The following ZFAND2A variants were observed in gnomAD, a reference collection of about 807,000 sequenced individuals.
ZFAND2A encodes the protein zinc finger AN1-type containing 2A.
A neutral mutation model predicts 11.6 loss-of-function variants in ZFAND2A; 20 were observed. The ratio of observed to expected loss-of-function variants is 1.72; its 90% CI spans 1.21 to 2.50. ZFAND2A has a LOEUF of 2.50. Ranked by LOEUF, ZFAND2A falls within the 30% of genes most tolerant of loss-of-function variation. The pLI is 0.00. For missense variants in ZFAND2A, 234 were observed against 182.9 expected, an observed-to-expected ratio of 1.28 and a Z score of -1.61; for synonymous variants, 93 against 60.6, an observed-to-expected ratio of 1.54 and a Z score of -2.48.
intron 3 of ZFAND2A, among the ~76,000 whole-genome samples, chr7:1,156,038 T>C (rs1161294109): frequency 1.3e-5 from 2 of 152,230 alleles, no homozygotes; most frequent in Non-Finnish European, 2.9e-5. Flanking sequence ...CACGTGTACC[T>C]AGGGTGAGCT....
At chr7:1,153,818 T>C (rs930395733) in intron 4 of ZFAND2A, among the ~76,000 whole-genome samples, 2 of 152,078 alleles carry the variant, frequency 1.3e-5, no homozygotes, top group African/African-American at 2.4e-5. Context: ...GGTGGCGTGG[T>C]GCCTGTAATC....
At chr7:1,152,469 G>C (rs6970587), downstream of ZFAND2A, 62,252 of 1,215,090 alleles carry the variant, frequency 0.051, 2,887 homozygotes, top group African/African-American at 0.24. Context: ...ACCACCAGGT[G>C]CAACAGTTGA....
intron 3 of ZFAND2A, 87 bp from the exon 4 acceptor site, chr7:1,155,671 C>T (rs1428883175): frequency 1.3e-6 from 2 of 1,520,658 alleles, no homozygotes; most frequent in East Asian, 4.7e-5. Flanking sequence ...GTGCGGCACA[C>T]TTAAACACAA....
chr7:1,151,063 G>A (rs115849730), downstream of ZFAND2A, among the ~76,000 whole-genome samples: 3,985 of 151,988 alleles, frequency 0.026, 71 homozygotes, highest in African/African-American at 0.05. Flanking sequence ...GCTAATTTTT[G>A]TTTTAGTAGA....
chr7:1,150,495 G>A (rs1212721838), downstream of ZFAND2A, among the ~76,000 whole-genome samples: 2 of 152,188 alleles, frequency 1.3e-5, no homozygotes, highest in African/African-American at 4.8e-5. Context: ...CTCTTGATGA[G>A]CAGAGCGGCT....
downstream of ZFAND2A, chr7:1,152,268 G>A (rs866704821): frequency 1.9e-6 from 3 of 1,579,652 alleles, no homozygotes; most frequent in East Asian, 2.3e-5. Context: ...TACCCGAGTC[G>A]CTGGGCCAGC....
intron 4 of ZFAND2A, among the ~76,000 whole-genome samples, chr7:1,153,876 G>A (rs1793457555): frequency 6.6e-6 from 1 of 152,200 alleles, no homozygotes; most frequent in Non-Finnish European, 1.5e-5. Context: ...AGGAGGCAGA[G>A]GCGGCAGTGA....
At chr7:1,150,487 C>T (rs556525160), downstream of ZFAND2A, among the ~76,000 whole-genome samples, 102 of 152,338 alleles carry the variant, frequency 6.7e-4, no homozygotes, top group Admixed American at 2.0e-3. Flanking sequence ...TCACTGCACT[C>T]TTGATGAGCA....
downstream of ZFAND2A, among the ~76,000 whole-genome samples, chr7:1,149,942 T>A (rs1793367909): frequency 6.6e-6 from 1 of 150,396 alleles, no homozygotes; most frequent in African/African-American, 2.5e-5. Flanking sequence ...AACCTCTGCC[T>A]CCCGGGTTCA....
downstream of ZFAND2A, chr7:1,152,358 G>A (rs1315029306): frequency 2.6e-6 from 4 of 1,547,906 alleles, no homozygotes; most frequent in East Asian, 2.4e-5. Context: ...CAGAGAGGGT[G>A]GATGGATCAG....
At chr7:1,151,761 T>TAAAAAAAAAAAAAAAAAAA (rs76095900), downstream of ZFAND2A, among the ~76,000 whole-genome samples, 4 of 22,774 alleles carry the variant, frequency 1.8e-4, no homozygotes, top group Admixed American at 1.1e-3. Context: ...TTCATCCCTT[T>TAAAAAAAAAAAAAAAAAAA]TAAAAAAAAA....
chr7:1,155,780 C>T lies in ZFAND2A; in HGVS notation c.151-196G>A. On this transcript the variant is annotated intron_variant, in intron 3 of 4. Transcript: ENST00000316495. ...TCTCTAGAATGTGGGCATCAGCTGCCCTGAGGAGTCTAGTGAAGTTTCAAC... is the reference window on the plus strand; with the variant it reads ...TCTCTAGAATGTGGGCATCAGCTGCTCTGAGGAGTCTAGTGAAGTTTCAAC... The T allele has an allele frequency of 5.4e-6, 3 of 560,524 alleles. No homozygotes were observed. In the South Asian group the frequency reaches 6.5e-5, roughly 12 times the overall value. The allele number at this position is 560,524 out of a possible 1,614,324, so 34.7% of individuals were successfully genotyped here.
rs1160256859 is a variant in ZFAND2A at position 1,158,391 on chromosome 7, T to C, written c.-45-134A>G. 1.5e-5 allele frequency: 9 copies of C among 598,392 alleles called. No homozygotes were observed. The East Asian group carries it at 2.0e-4, about 13-fold the overall frequency. The allele number at this position is 598,392 out of a possible 1,614,324, so 37.1% of individuals were successfully genotyped here. A position where few individuals can be genotyped will look rare whatever the true frequency, so the allele number is the denominator to read the frequency against. ...GCATTCCATGGAGTTTTAGTACAAA[T>C]ACCAGGTGTCCGCCATTCGTAGTCA... On this transcript the variant is annotated intron_variant, in intron 1 of 4. Coordinates refer to ENST00000316495, the MANE Select transcript of ZFAND2A (RefSeq NM_182491.4).
chr7:1,159,385 G>A (rs903167249), intron 1 of ZFAND2A, among the ~76,000 whole-genome samples: 11 of 152,184 alleles, frequency 7.2e-5, no homozygotes, highest in African/African-American at 1.2e-4. Flanking sequence ...CTCGGCTGGC[G>A]GGTTAACGAC....
intron 3 of ZFAND2A, among the ~76,000 whole-genome samples, chr7:1,156,690 G>A (rs1040390020): frequency 5.9e-5 from 9 of 152,252 alleles, no homozygotes; most frequent in Non-Finnish European, 8.8e-5. Context: ...GGTGGCAACC[G>A]ACATGGAACG....
downstream of ZFAND2A, among the ~76,000 whole-genome samples, chr7:1,149,910 T>C (rs1222810227): frequency 6.6e-6 from 1 of 150,476 alleles, no homozygotes; most frequent in African/African-American, 2.4e-5. Flanking sequence ...TGGAGTGCAA[T>C]GGCACGATCT....
At chr7:1,152,156 CACACTGTGCAGTT>C (rs1410199729), downstream of ZFAND2A, 1 of 1,431,276 alleles carries the variant, frequency 7.0e-7, no homozygotes, top group Non-Finnish European at 9.3e-7. Context: ...AGCATCGCGT[CACACTGTGCAGTT>C]ACACACAGCA....
At position 1,158,140 on chromosome 7, in the gene ZFAND2A, T is replaced by C. The variant is rs1434401021; in HGVS notation, c.55+18A>G. Reference sequence around the variant, plus strand: ...CAACAAAATACCATTTTCTATTAAGTCTCTTAAAAGTACTCACCTAGCTGC... The same window carrying C: ...CAACAAAATACCATTTTCTATTAAGCCTCTTAAAAGTACTCACCTAGCTGC... On this transcript the variant is annotated intron_variant, in intron 2 of 4. Coordinates refer to ENST00000316495, the MANE Select transcript of ZFAND2A (RefSeq NM_182491.4). 3.0e-5 allele frequency: 48 copies of C among 1,610,890 alleles called. No individual in the cohort carries two copies. Among genetic ancestry groups the C allele is most frequent in the Non-Finnish European group, 3.9e-5 (46 of 1,178,308 alleles).
At chr7:1,149,446 G>C (rs1793358411), downstream of ZFAND2A, among the ~76,000 whole-genome samples, 2 of 152,196 alleles carry the variant, frequency 1.3e-5, no homozygotes, top group African/African-American at 4.8e-5. Flanking sequence ...AGGGCCTCGG[G>C]GTGGGGTCCA....
Sources: gnomAD v4.1 joint callset for allele counts (sites outside exome capture counted in the v4.1 genomes callset) on GRCh38, gnomAD v4.1.1 for gene constraint, MANE v1.5 for transcripts, NCBI Gene and HGNC (gene_info 2026-07-23, HGNC 2026-07-21) for gene names.